The following NRXN3 variants were observed in gnomAD, a reference collection of about 807,000 sequenced individuals.
The protein encoded by NRXN3 is neurexin 3.
A neutral mutation model predicts 137.6 loss-of-function variants in NRXN3; 32 were observed. That is an observed-to-expected ratio of 0.23 (90% CI 0.18 to 0.31). The LOEUF (loss-of-function observed/expected upper bound fraction) is 0.31. Among genes scored for constraint, NRXN3 ranks in the 10% least tolerant of loss-of-function variants. The probability of loss-of-function intolerance (pLI) is 1.00; values close to 1 mark genes in which losing one functional copy is unlikely to be tolerated. For synonymous variants in NRXN3, 798 were observed against 784.5 expected (o/e 1.02, Z -0.29); for missense variants, 1,574 against 2,062.5 (o/e 0.76, Z 4.59).
At chr14:79,093,542 G>C (rs2049613147) in intron 15 of NRXN3, among the ~76,000 whole-genome samples, 1 of 152,132 alleles carries the variant, frequency 6.6e-6, no homozygotes, top group African/African-American at 2.4e-5. Flanking sequence ...TTAACTAAGG[G>C]AATGGCCCTG....
chr14:79,811,873 C>T (rs140657158), intron 20 of NRXN3, among the ~76,000 whole-genome samples: 2,752 of 152,194 alleles, frequency 0.018, 86 homozygotes, highest in African/African-American at 0.06. Flanking sequence ...TGAGCCACCG[C>T]GCCCGGCCAG....
At chr14:78,836,477 C>G (rs999412183) in intron 10 of NRXN3, among the ~76,000 whole-genome samples, 2 of 152,200 alleles carry the variant, frequency 1.3e-5, no homozygotes, top group African/African-American at 4.8e-5. Context: ...ACATCTGATT[C>G]AGTAGGTTGA....
intron 4 of NRXN3, among the ~76,000 whole-genome samples, chr14:78,336,148 C>A (rs974950337): frequency 6.6e-6 from 1 of 152,102 alleles, no homozygotes; most frequent in South Asian, 2.1e-4. Flanking sequence ...GCACTTAAAA[C>A]GGAAGTTCAT....
chr14:79,642,688 G>A (rs1311544213), intron 16 of NRXN3, among the ~76,000 whole-genome samples: 1 of 134,856 alleles, frequency 7.4e-6, no homozygotes. Flanking sequence ...TTTCTTCATG[G>A]TGGCCTCAGA....
At chr14:78,581,322 G>GTCCAAGA (rs1173336868) in intron 4 of NRXN3, among the ~76,000 whole-genome samples, 7 of 152,214 alleles carry the variant, frequency 4.6e-5, no homozygotes, top group African/African-American at 1.7e-4. Flanking sequence ...AGTCTGGGAA[G>GTCCAAGA]TCCAAGATCC....
At position 79,402,479 on chromosome 14, in the gene NRXN3, T is replaced by C. The variant is rs147213976; in HGVS notation, c.3263-64742T>C. ...ATGTAATATATTTTCTATGAGACTG[T>C]ATTGACTTTGAGAGTGGTTAGAGTT... On this transcript the variant is annotated intron_variant, in intron 15 of 20. Transcript: ENST00000335750. 3.4e-3 allele frequency among the ~76,000 whole-genome samples: 516 copies of C among 152,344 alleles called. 1 individual carries two copies. The highest frequency in any genetic ancestry group is 0.011 in the South Asian group (54 of 4,830).
chr14:78,944,811 C>T (rs2099362061), intron 10 of NRXN3, among the ~76,000 whole-genome samples: 1 of 152,134 alleles, frequency 6.6e-6, no homozygotes, highest in South Asian at 2.1e-4. Flanking sequence ...TACAGCATCC[C>T]TAGGAAAGTA....
chr14:79,107,113 A>G (rs2052589598), intron 15 of NRXN3, among the ~76,000 whole-genome samples: 1 of 152,200 alleles, frequency 6.6e-6, no homozygotes, highest in Non-Finnish European at 1.5e-5. Flanking sequence ...ATGACTGACT[A>G]TGCTAATTAT....
At chr14:79,157,478 A>C (rs1439604918) in intron 15 of NRXN3, among the ~76,000 whole-genome samples, 1 of 151,806 alleles carries the variant, frequency 6.6e-6, no homozygotes, top group Non-Finnish European at 1.5e-5. Flanking sequence ...CTTTTAAATC[A>C]GCATAAGCTG....
At position 78,679,516 on chromosome 14, in the gene NRXN3, T is replaced by TCA. The variant is rs1567042698; in HGVS notation, c.1221+28190_1221+28191insCA. ...ATGGCTCTTCTCTTAATTAATTAAT[T>TCA]TCAATTTGATGAATTAACTTTAATA... On this transcript the variant is annotated intron_variant, in intron 6 of 20. Coordinates refer to ENST00000335750, the MANE Select transcript of NRXN3 (RefSeq NM_001330195.2). Among the ~76,000 whole-genome samples the TCA allele has an allele frequency of 2.6e-5, 4 of 152,224 alleles. No homozygotes were observed. In the East Asian group the frequency reaches 7.7e-4, roughly 29 times the overall value.
intron 4 of NRXN3, among the ~76,000 whole-genome samples, chr14:78,574,030 C>A (rs1176128770): frequency 6.6e-6 from 1 of 152,206 alleles, no homozygotes; most frequent in Non-Finnish European, 1.5e-5. Context: ...CTAAAAGGGG[C>A]CAATGTAGAG....
chr14:79,599,388 A>T (rs76977220), intron 16 of NRXN3, among the ~76,000 whole-genome samples: 1 of 152,196 alleles, frequency 6.6e-6, no homozygotes, highest in Non-Finnish European at 1.5e-5. Flanking sequence ...AATTAAAACT[A>T]CCTTGTTCTA....
chr14:79,592,932 G>A (rs2097820854), intron 16 of NRXN3, among the ~76,000 whole-genome samples: 1 of 152,166 alleles, frequency 6.6e-6, no homozygotes, highest in Non-Finnish European at 1.5e-5. Flanking sequence ...TGAGACATCT[G>A]ATGGAACTTA....
chr14:78,227,332 T>C (rs1018832805), intron 1 of NRXN3, among the ~76,000 whole-genome samples: 26 of 152,082 alleles, frequency 1.7e-4, no homozygotes, highest in African/African-American at 6.3e-4. Context: ...AGTTTCTTCA[T>C]AGGTAGATGG....
intron 15 of NRXN3, among the ~76,000 whole-genome samples, chr14:79,180,977 A>T (rs1466756865): frequency 6.6e-6 from 1 of 151,934 alleles, no homozygotes; most frequent in African/African-American, 2.4e-5. Context: ...TTTAGTACAG[A>T]AAACCAACCA....
At chr14:78,302,574 C>A (rs1240113037) in intron 4 of NRXN3, among the ~76,000 whole-genome samples, 1 of 152,188 alleles carries the variant, frequency 6.6e-6, no homozygotes, top group Non-Finnish European at 1.5e-5. Flanking sequence ...TCTACACTGA[C>A]CTGTCATAAG....
chr14:79,347,153 A>G (rs2092927367), intron 15 of NRXN3, among the ~76,000 whole-genome samples: 1 of 152,194 alleles, frequency 6.6e-6, no homozygotes, highest in South Asian at 2.1e-4. Context: ...ATAAGAAAAT[A>G]CAGAATAAAT....
intron 16 of NRXN3, chr14:79,661,609 A>C (rs1223756548): frequency 3.3e-5 from 5 of 152,268 alleles, no homozygotes; most frequent in African/African-American, 7.2e-5. Context: ...GTGCTTAATA[A>C]ATTTTGTATT....
intron 15 of NRXN3, among the ~76,000 whole-genome samples, chr14:79,339,998 C>T (rs946274512): frequency 2.6e-5 from 4 of 152,168 alleles, no homozygotes; most frequent in African/African-American, 7.2e-5. Flanking sequence ...GAAATTCTCT[C>T]TGAAGTGTTT....
Sources: gnomAD v4.1 joint callset for allele counts (sites outside exome capture counted in the v4.1 genomes callset) on GRCh38, gnomAD v4.1.1 for gene constraint, MANE v1.5 for transcripts, NCBI Gene and HGNC (gene_info 2026-07-23, HGNC 2026-07-21) for gene names.